Variants in RANBP3 observed in about 807,000 individuals in gnomAD.
The protein encoded by RANBP3 is ran-binding protein 3.
A neutral mutation model predicts 77.3 loss-of-function variants in RANBP3; 14 were observed. The ratio of observed to expected loss-of-function variants is 0.18; its 90% CI spans 0.12 to 0.28. The LOEUF (loss-of-function observed/expected upper bound fraction) is 0.28. Ranked by LOEUF, RANBP3 falls within the 10% of genes least tolerant of loss-of-function variation. RANBP3 has a pLI of 1.00. For synonymous variants in RANBP3, 315 were observed against 312.4 expected, an observed-to-expected ratio of 1.01 and a Z score of -0.09; for missense variants, 586 against 752.3, an observed-to-expected ratio of 0.78 and a Z score of 2.59.
At position 5,918,627 on chromosome 19, in the gene RANBP3, G is replaced by T; in HGVS notation, c.1342C>A (p.Gln448Lys). ...TLQSRLVMRT[Q>K]GSLRLILNTK... Reference sequence around the variant, plus strand: ...TTGAGGATCAGTCGCAGGCTCCCCTGGGTCCGCATCACTACAACCAACAAG... The same window carrying T: ...TTGAGGATCAGTCGCAGGCTCCCCTTGGTCCGCATCACTACAACCAACAAG... The change falls in exon 15 of 17, where the codon CAG becomes AAG. Residue 448 changes from glutamine to lysine, a missense_variant. By Grantham distance (53) the Gln-to-Lys change is moderately conservative (BLOSUM62 1). Around this residue, in one of 5 missense-constraint regions of RANBP3, gnomAD observed 51 missense variants for 123.2 expected, o/e 0.41. Transcript: ENST00000340578. The T allele has an allele frequency of 9.3e-6, 15 of 1,613,744 alleles. No homozygotes were observed. The highest frequency in any genetic ancestry group is 1.3e-5 in the Non-Finnish European group (15 of 1,179,894).
Position 5,918,396 on chromosome 19 carries a change from C to T in RANBP3, c.1473+100G>A, listed in dbSNP as rs1259528773. The T allele has an allele frequency of 3.3e-5, 9 of 272,372 alleles. 1 individual carries two copies. Among genetic ancestry groups the T allele is most frequent in the Middle Eastern group, 1.5e-3 (1 of 676 alleles). The allele number at this position is 272,372 out of a possible 1,614,324, so 16.9% of individuals were successfully genotyped here. A position where few individuals can be genotyped will look rare whatever the true frequency, so the allele number is the denominator to read the frequency against. Reference sequence around the variant, plus strand: ...CCCAGGAAGCAACTGAAGCCCCTCCCCCCTCCCCTCCCCACCGTCCTGCCT... The same window carrying T: ...CCCAGGAAGCAACTGAAGCCCCTCCTCCCTCCCCTCCCCACCGTCCTGCCT... On this transcript the variant is annotated intron_variant, in intron 15 of 16. Transcript: ENST00000340578.
chr19:5,946,028 G>A (rs1178066677), intron 3 of RANBP3, among the ~76,000 whole-genome samples: 2 of 151,882 alleles, frequency 1.3e-5, no homozygotes, highest in Non-Finnish European at 2.9e-5. Flanking sequence ...CTGGCCATGT[G>A]GCCTCCTGTT....
In RANBP3 at chr19:5,921,845, G is replaced by A. The variant is rs773079496; in HGVS notation, c.1210-524C>T. ...AGGAATGGAGTGACACACATGGTCC[G>A]CCCCTACAGCGCATCTCACTCAGTC... On this transcript the variant is annotated intron_variant, in intron 13 of 16. Coordinates refer to ENST00000340578, the MANE Select transcript of RANBP3 (RefSeq NM_007322.3). The surrounding 1 kb of genome is among the most constrained non-coding windows in gnomAD (Gnocchi z 5.3). 6.6e-6 allele frequency among the ~76,000 whole-genome samples: 1 copy of A among 152,190 alleles called. No homozygotes were observed. Among genetic ancestry groups the A allele is most frequent in the Admixed American group, 6.5e-5 (1 of 15,282 alleles).
intron 3 of RANBP3, among the ~76,000 whole-genome samples, chr19:5,948,207 T>C (rs890559314): frequency 6.6e-6 from 1 of 152,186 alleles, no homozygotes; most frequent in Non-Finnish European, 1.5e-5. Context: ...TCCCAGCACT[T>C]TGGGAGGCCG....
chr19:5,961,893 G>T (rs1244707664), intron 1 of RANBP3, among the ~76,000 whole-genome samples: 1 of 151,714 alleles, frequency 6.6e-6, no homozygotes, highest in Non-Finnish European at 1.5e-5. Context: ...CACACTTAGG[G>T]TGCACTTCTG....
chr19:5,961,654 A>T (rs992880238), intron 1 of RANBP3, among the ~76,000 whole-genome samples: 2 of 152,036 alleles, frequency 1.3e-5, no homozygotes, highest in Admixed American at 6.6e-5. Flanking sequence ...AATCACTTGA[A>T]CCTGGGACGC....
At chr19:5,949,121 G>A (rs973138596) in intron 3 of RANBP3, among the ~76,000 whole-genome samples, 1 of 152,182 alleles carries the variant, frequency 6.6e-6, no homozygotes, top group Non-Finnish European at 1.5e-5. Context: ...AGGGACCATG[G>A]AATAAAGTGA....
In RANBP3 at chr19:5,924,960, A is replaced by C. The variant is rs2057882348; in HGVS notation, c.918-55T>G. The C allele has an allele frequency of 6.7e-7, 1 of 1,489,696 alleles. No homozygotes were observed. The highest frequency in any genetic ancestry group is 2.3e-5 in the East Asian group (1 of 44,252). The allele number at this position is 1,489,696 out of a possible 1,614,324, so 92.3% of individuals were successfully genotyped here. A position where few individuals can be genotyped will look rare whatever the true frequency, so the allele number is the denominator to read the frequency against. Reference sequence around the variant, plus strand: ...GCGTCACGTGGGAACGTGGCCAGGCAAATGTATGGGTACCCATGGAGCACA... The same window carrying C: ...GCGTCACGTGGGAACGTGGCCAGGCCAATGTATGGGTACCCATGGAGCACA... On this transcript the variant is annotated intron_variant, in intron 10 of 16. Coordinates refer to ENST00000340578, the MANE Select transcript of RANBP3 (RefSeq NM_007322.3). The surrounding 1 kb of genome is among the most constrained non-coding windows in gnomAD (Gnocchi z 4.7).
intron 3 of RANBP3, among the ~76,000 whole-genome samples, chr19:5,944,075 C>A (rs1337508704): frequency 3.3e-5 from 5 of 152,222 alleles, no homozygotes; most frequent in Non-Finnish European, 7.3e-5. Context: ...CGTGAGGTGA[C>A]AGGCAGGGCA....
Position 5,955,607 on chromosome 19 carries a change from T to C in RANBP3, c.78+2311A>G, listed in dbSNP as rs376341243. Among the ~76,000 whole-genome samples the C allele has an allele frequency of 6.6e-5, 10 of 152,368 alleles. No individual in the cohort carries two copies. In the East Asian group the frequency reaches 7.7e-4, roughly 12 times the overall value. On this transcript the variant is annotated intron_variant, in intron 2 of 16. Transcript: ENST00000340578. ...CACTTTAAATTCATCTGAGCAAATA[T>C]TACACATTACTGTTCCATCTTGCTG...
intron 6 of RANBP3, chr19:5,932,776 T>A (rs2145089964): frequency 1.8e-6 from 1 of 558,416 alleles, no homozygotes; most frequent in African/African-American, 1.9e-5. Context: ...TGTGAATTAA[T>A]CCAGTTAGCA....
At chr19:5,942,255 C>T (rs1029241367) in intron 3 of RANBP3, among the ~76,000 whole-genome samples, 9 of 152,168 alleles carry the variant, frequency 5.9e-5, no homozygotes, top group Non-Finnish European at 1.2e-4. Flanking sequence ...CGGATAGGAG[C>T]GATTTCCCTT....
intron 3 of RANBP3, among the ~76,000 whole-genome samples, chr19:5,942,949 G>T (rs1313122969): frequency 6.6e-6 from 1 of 151,864 alleles, no homozygotes. Context: ...GATCACCTGA[G>T]CCCGGGGTCT....
At chr19:5,917,694 A>G (rs757014367) in intron 16 of RANBP3, 41 bp from the exon 17 acceptor site, 28 of 1,598,390 alleles carry the variant, frequency 1.8e-5, no homozygotes, top group Non-Finnish European at 2.3e-5. Context: ...TGGAGCCCGC[A>G]CTTCCCAGGT....
In RANBP3 at chr19:5,928,081, C is replaced by G. The variant is rs1391594591; in HGVS notation, c.700G>C (p.Glu234Gln). Residue 234 changes from glutamate (E) to glutamine (Q), a missense_variant, in exon 9 of 17, where the codon GAG becomes CAG. This residue lies in a region of RANBP3 where 232 missense variants were observed against 271.7 expected (regional missense o/e 0.85). Coordinates refer to ENST00000340578, the MANE Select transcript of RANBP3 (RefSeq NM_007322.3). Reference protein sequence around the residue: ...ADEVCALEEKEPQKNESSNAS... With the variant: ...ADEVCALEEKQPQKNESSNAS... Reference sequence around the variant, plus strand: ...TTGCTGGACTCATTTTTCTGGGGCTCTTTCTCCTATCAAAAACCAAAACAA... The same window carrying G: ...TTGCTGGACTCATTTTTCTGGGGCTGTTTCTCCTATCAAAAACCAAAACAA... 1 of 1,608,508 alleles carries G rather than the reference C, an allele frequency of 6.2e-7. No individual in the cohort carries two copies. The highest frequency in any genetic ancestry group is 8.5e-7 in the Non-Finnish European group (1 of 1,178,494).
chr19:5,923,640 T>C (rs548975830), intron 12 of RANBP3, among the ~76,000 whole-genome samples, 172 bp downstream of exon 12: 1 of 152,242 alleles, frequency 6.6e-6, no homozygotes, highest in East Asian at 1.9e-4. Flanking sequence ...TCGAGTTCTT[T>C]ATCACAAACC....
intron 1 of RANBP3, among the ~76,000 whole-genome samples, chr19:5,975,980 G>C (rs142457057): frequency 6.6e-6 from 1 of 152,166 alleles, no homozygotes; most frequent in Non-Finnish European, 1.5e-5. Context: ...TATGGGCTGA[G>C]AAGTTCTCAG....
chr19:5,950,807 C>T (rs1264949385), intron 3 of RANBP3: 1 of 154,198 alleles, frequency 6.5e-6, no homozygotes, highest in Non-Finnish European at 1.4e-5. Context: ...CAAAAGGCTT[C>T]TTAATACAAA....
intron 14 of RANBP3, among the ~76,000 whole-genome samples, chr19:5,920,549 A>C (rs576341130): frequency 6.9e-4 from 105 of 152,174 alleles, no homozygotes; most frequent in African/African-American, 2.4e-3. Context: ...CAAAAACAGT[A>C]TATTTTATTT....
Sources: allele counts gnomAD v4.1 joint callset (sites outside exome capture counted in the v4.1 genomes callset), GRCh38; gene constraint gnomAD v4.1.1; regional missense constraint gnomAD v4.1.1; non-coding constraint Gnocchi (gnomAD v3.1); transcripts MANE v1.5; gene names NCBI Gene and HGNC (gene_info 2026-07-23, HGNC 2026-07-21).